Variants in ERC1 observed in about 807,000 individuals in gnomAD.
The protein encoded by ERC1 is ELKS/RAB6-interacting/CAST family member 1.
ERC1 carries 56 observed loss-of-function variants against 132.0 expected under a neutral mutation model. That is an observed-to-expected ratio of 0.42 (90% confidence interval 0.34 to 0.53). ERC1 has a LOEUF of 0.53. Among genes scored for constraint, ERC1 ranks in the 20% least tolerant of loss-of-function variants. The pLI, the probability that ERC1 is intolerant of heterozygous loss-of-function variation, is 0.03. For missense variants in ERC1, 1,202 were observed against 1,349.9 expected (o/e 0.89, Z 1.72); for synonymous variants, 478 against 476.1 (o/e 1.00, Z -0.05).
chr12:1,192,155 T>TC, intron 12 of ERC1, among the ~76,000 whole-genome samples: 1 of 152,296 alleles, frequency 6.6e-6, no homozygotes, highest in South Asian at 2.1e-4. Context: ...ATTTGAAGAC[T>TC]CCTTACCCTT....
chr12:1,183,652 A>C (rs1314431038), intron 11 of ERC1, among the ~76,000 whole-genome samples: 1 of 152,098 alleles, frequency 6.6e-6, no homozygotes, highest in African/African-American at 2.4e-5. Flanking sequence ...AAAATATGCA[A>C]CTCTCTTGTG....
intron 12 of ERC1, among the ~76,000 whole-genome samples, chr12:1,196,945 C>T (rs866808979): frequency 2.3e-4 from 9 of 39,188 alleles, no homozygotes; most frequent in African/African-American, 1.3e-3. Flanking sequence ...CACACACACA[C>T]ACACACACAC....
chr12:1,110,040 CA>C, intron 4 of ERC1, 151 bp from the exon 5 acceptor site: 19 of 638,036 alleles, frequency 3.0e-5, no homozygotes, highest in East Asian at 1.2e-4. Flanking sequence ...GACTCTGTCT[CA>C]AAAAAAGGAA....
At chr12:1,095,012 A>C (rs1943831767) in intron 3 of ERC1, among the ~76,000 whole-genome samples, 2 of 152,172 alleles carry the variant, frequency 1.3e-5, no homozygotes, top group South Asian at 2.1e-4. Flanking sequence ...CTAAGACTTG[A>C]AACTTGAAAA....
At chr12:1,124,003 A>T (rs1947865100) in intron 7 of ERC1, among the ~76,000 whole-genome samples, 1 of 152,240 alleles carries the variant, frequency 6.6e-6, no homozygotes, top group Non-Finnish European at 1.5e-5. Flanking sequence ...AAATAAATGT[A>T]TATATAGCAG....
chr12:1,301,963 C>A (rs953623669), intron 15 of ERC1, among the ~76,000 whole-genome samples: 1 of 152,106 alleles, frequency 6.6e-6, no homozygotes, highest in African/African-American at 2.4e-5. Flanking sequence ...AACTCATTCA[C>A]AAAATAAAGA....
intron 2 of ERC1, among the ~76,000 whole-genome samples, chr12:1,078,861 A>G (rs1348943185): frequency 6.6e-6 from 1 of 151,910 alleles, no homozygotes; most frequent in Non-Finnish European, 1.5e-5. Context: ...GATTTGTAAT[A>G]TGACAAAAGT....
intron 7 of ERC1, among the ~76,000 whole-genome samples, chr12:1,121,925 ATCTGTGTCTCTATCTATC>A (rs1947327379): frequency 3.6e-4 from 1 of 2,804 alleles, no homozygotes; most frequent in African/African-American, 4.2e-4. Context: ...CTCTATCTCT[ATCTGTGTCTCTATCTATC>A]TCTATCTCTA....
intron 17 of ERC1, among the ~76,000 whole-genome samples, chr12:1,423,989 T>G (rs888667022): frequency 6.6e-6 from 1 of 152,196 alleles, no homozygotes; most frequent in Non-Finnish European, 1.5e-5. Context: ...TTTAGTATTT[T>G]CTGGGTGGCA....
Position 1,254,615 on chromosome 12 carries a change from C to T in ERC1, c.2488-8419C>T, listed in dbSNP as rs2076673236. ...GCAACCACCGCCTCCCCGGTTCAGG[C>T]AATTCTCCCTGCCTCAGCCTCCCGA... On this transcript the variant is annotated intron_variant, in intron 13 of 18. Transcript: ENST00000360905. Among the ~76,000 whole-genome samples, 5 of 152,212 alleles carry T rather than the reference C, an allele frequency of 3.3e-5. No individual in the cohort carries two copies. In the South Asian group the frequency reaches 1.0e-3, roughly 32 times the overall value.
chr12:1,239,144 T>C (rs2075628213), intron 13 of ERC1, among the ~76,000 whole-genome samples: 1 of 152,260 alleles, frequency 6.6e-6, no homozygotes, highest in Admixed American at 6.5e-5. Flanking sequence ...ACAGTCTTAC[T>C]CTGTCACCTA....
chr12:1,058,739 G>C (rs1593008926), intron 2 of ERC1, among the ~76,000 whole-genome samples: 3 of 144,124 alleles, frequency 2.1e-5, no homozygotes, highest in South Asian at 4.5e-4. Flanking sequence ...GAATATCATT[G>C]ATATTTTGAT....
Position 1,383,641 on chromosome 12 carries a change from C to CA in ERC1, c.2925+11671dup, listed in dbSNP as rs1311241054. ...AAAACAAGACTCTGTCACACACACA[C>CA]AAAAAAAGCGAATGTGGAATTAAAT... On this transcript the variant is annotated intron_variant, in intron 16 of 18. Coordinates refer to ENST00000360905, the MANE Select transcript of ERC1 (RefSeq NM_178040.4). Among the ~76,000 whole-genome samples, 17 of 151,764 alleles carry CA rather than the reference C, an allele frequency of 1.1e-4. No individual in the cohort carries two copies. In the East Asian group the frequency reaches 3.3e-3, roughly 29 times the overall value.
At chr12:1,436,209 T>C (rs56388732) in intron 17 of ERC1, among the ~76,000 whole-genome samples, 3,191 of 152,162 alleles carry the variant, frequency 0.021, 50 homozygotes, top group Non-Finnish European at 0.034. Flanking sequence ...TATCCTGACC[T>C]TGAAATAGCT....
chr12:1,204,591 C>A, intron 12 of ERC1: 1 of 1,300,002 alleles, frequency 7.7e-7, no homozygotes, highest in Non-Finnish European at 1.1e-6. Context: ...TTACAGGGAA[C>A]TGAACATATT....
chr12:1,017,830 G>A (rs903006840), intron 1 of ERC1, among the ~76,000 whole-genome samples: 10 of 143,430 alleles, frequency 7.0e-5, no homozygotes, highest in Admixed American at 2.0e-4. Context: ...TCAAAATATA[G>A]GGTACAAAAT....
intron 12 of ERC1, among the ~76,000 whole-genome samples, chr12:1,231,464 G>A (rs1301548559): frequency 1.3e-5 from 2 of 152,148 alleles, no homozygotes; most frequent in South Asian, 4.1e-4. Context: ...CACGATTACA[G>A]CATTGCAGTA....
intron 1 of ERC1, among the ~76,000 whole-genome samples, chr12:1,012,161 G>C (rs940613501): frequency 6.6e-6 from 1 of 152,110 alleles, no homozygotes; most frequent in African/African-American, 2.4e-5. Context: ...CCTGTTCATA[G>C]AATTACTGGA....
At chr12:1,365,972 C>A (rs1591558531) in intron 15 of ERC1, among the ~76,000 whole-genome samples, 2 of 152,234 alleles carry the variant, frequency 1.3e-5, no homozygotes, top group African/African-American at 4.8e-5. Flanking sequence ...CACAAAAAGA[C>A]AAATACTGTT....
Sources: gnomAD v4.1 joint callset for allele counts (sites outside exome capture counted in the v4.1 genomes callset) on GRCh38, gnomAD v4.1.1 for gene constraint, MANE v1.5 for transcripts, NCBI Gene and HGNC (gene_info 2026-07-23, HGNC 2026-07-21) for gene names.